TLL1: variants seen among roughly 807,000 people sequenced by gnomAD.
TLL1 encodes tolloid like 1, also known as tolloid-like protein 1.
A neutral mutation model predicts 128.2 loss-of-function variants in TLL1; 49 were observed. The observed-to-expected ratio is 0.38, with a 90% CI of 0.30 to 0.48. The LOEUF is 0.48. Among genes scored for constraint, TLL1 ranks in the 20% least tolerant of loss-of-function variants. TLL1 has a pLI of 0.96. For synonymous variants in TLL1, 454 were observed against 418.8 expected, an observed-to-expected ratio of 1.08 and a Z score of -1.03; for missense variants, 1,123 against 1,242.0, an observed-to-expected ratio of 0.90 and a Z score of 1.44.
intron 1 of TLL1, among the ~76,000 whole-genome samples, chr4:165,946,354 G>C (rs928333306): frequency 1.3e-5 from 2 of 148,472 alleles, no homozygotes; most frequent in African/African-American, 5.0e-5. Flanking sequence ...TTTTTTTTTT[G>C]AGACAGGATC....
chr4:165,983,906 G>A (rs371862928), intron 1 of TLL1, among the ~76,000 whole-genome samples: 36 of 151,942 alleles, frequency 2.4e-4, no homozygotes, highest in Admixed American at 5.3e-4. Flanking sequence ...TGCGAGGAAA[G>A]GATGAGTGAA....
chr4:166,011,363 T>C (rs1737689462), intron 7 of TLL1, among the ~76,000 whole-genome samples: 1 of 151,530 alleles, frequency 6.6e-6, no homozygotes, highest in Non-Finnish European at 1.5e-5. Context: ...TTCACTTCTT[T>C]GGTTAAGTTT....
chr4:166,077,091 C>A (rs2111139854), intron 17 of TLL1, among the ~76,000 whole-genome samples: 1 of 152,172 alleles, frequency 6.6e-6, no homozygotes, highest in Non-Finnish European at 1.5e-5. Context: ...AACAAATAAT[C>A]CCAGTCTAAA....
At chr4:165,990,681 TA>T (rs370808377) in intron 2 of TLL1, among the ~76,000 whole-genome samples, 107 of 152,008 alleles carry the variant, frequency 7.0e-4, no homozygotes, top group Middle Eastern at 3.4e-3. Flanking sequence ...TATTATTAGG[TA>T]GTCTAGCATG....
rs1742409341 is a variant in TLL1, at chr4:166,104,099, T to C, written c.*3223T>C. On this transcript the variant is annotated 3_prime_UTR_variant, in exon 21 of 21. Coordinates refer to ENST00000061240, the MANE Select transcript of TLL1 (RefSeq NM_012464.5). ...ATTCAAATTCTGTTTAACTTTGTTT[T>C]AAAATAGCTTGGTCTCTTTTATTTG... Among the ~76,000 whole-genome samples, 1 of 151,978 alleles carries C rather than the reference T, an allele frequency of 6.6e-6. No homozygotes were observed. Among genetic ancestry groups the C allele is most frequent in the Non-Finnish European group, 1.5e-5 (1 of 67,904 alleles).
chr4:165,923,122 G>A (rs1733108835), intron 1 of TLL1, among the ~76,000 whole-genome samples: 1 of 152,096 alleles, frequency 6.6e-6, no homozygotes. Context: ...ATGCCACCCA[G>A]GAACTTCTGC....
chr4:166,013,803 A>G (rs1437925379), intron 7 of TLL1, among the ~76,000 whole-genome samples: 1 of 151,848 alleles, frequency 6.6e-6, no homozygotes, highest in Non-Finnish European at 1.5e-5. Flanking sequence ...GTTTAACATT[A>G]TTATGCCATT....
intron 1 of TLL1, among the ~76,000 whole-genome samples, chr4:165,953,008 T>C (rs1734600270): frequency 6.6e-6 from 1 of 152,114 alleles, no homozygotes; most frequent in Non-Finnish European, 1.5e-5. Flanking sequence ...TTCAAACTTT[T>C]TTTGGCAGAT....
chr4:165,942,499 C>T (rs1386696961), intron 1 of TLL1, among the ~76,000 whole-genome samples: 1 of 151,874 alleles, frequency 6.6e-6, no homozygotes, highest in African/African-American at 2.4e-5. Flanking sequence ...AACCTCCTAT[C>T]TGTATTTGTA....
At chr4:166,037,303 A>G (rs1739049081) in intron 9 of TLL1, among the ~76,000 whole-genome samples, 1 of 152,212 alleles carries the variant, frequency 6.6e-6, no homozygotes, top group African/African-American at 2.4e-5. Flanking sequence ...ATATTGTGGG[A>G]AATTCATAAA....
intron 19 of TLL1, among the ~76,000 whole-genome samples, chr4:166,096,945 G>C (rs11938373): frequency 0.19 from 28,208 of 151,874 alleles, 2,770 homozygotes; most frequent in East Asian, 0.28. Context: ...TGAGTGGATC[G>C]TAGAGTACAG....
intron 18 of TLL1, among the ~76,000 whole-genome samples, chr4:166,090,133 T>C (rs1013632993): frequency 1.3e-5 from 2 of 152,076 alleles, no homozygotes; most frequent in African/African-American, 4.8e-5. Context: ...TTATAGCAAA[T>C]TAACAAAGTT....
At chr4:166,090,532 C>T (rs1332263227) in intron 18 of TLL1, among the ~76,000 whole-genome samples, 1 of 151,996 alleles carries the variant, frequency 6.6e-6, no homozygotes, top group Non-Finnish European at 1.5e-5. Context: ...GTACCATCTA[C>T]ATGAAAAGTA....
At chr4:165,886,424 T>TG (rs1021259873) in intron 1 of TLL1, among the ~76,000 whole-genome samples, 1 of 152,130 alleles carries the variant, frequency 6.6e-6, no homozygotes, top group Non-Finnish European at 1.5e-5. Context: ...GGAATATGCC[T>TG]GGGGGGTACA....
intron 1 of TLL1, among the ~76,000 whole-genome samples, chr4:165,889,434 G>A (rs915801149): frequency 1.3e-5 from 2 of 152,172 alleles, no homozygotes; most frequent in Non-Finnish European, 2.9e-5. Flanking sequence ...ACATTTCATT[G>A]TAAGGGTAAA....
intron 18 of TLL1, among the ~76,000 whole-genome samples, chr4:166,079,286 C>T (rs183010585): frequency 3.3e-5 from 5 of 152,198 alleles, no homozygotes; most frequent in South Asian, 4.2e-4. Flanking sequence ...AATTGATTTT[C>T]GTGGAGACAT....
At chr4:165,898,101 G>T (rs1445052108) in intron 1 of TLL1, among the ~76,000 whole-genome samples, 1 of 152,088 alleles carries the variant, frequency 6.6e-6, no homozygotes, top group African/African-American at 2.4e-5. Context: ...CTTTGCTGAA[G>T]TTGCTTATCA....
chr4:165,882,091 A>C (rs1730991897), intron 1 of TLL1, among the ~76,000 whole-genome samples: 1 of 152,164 alleles, frequency 6.6e-6, no homozygotes, highest in Non-Finnish European at 1.5e-5. Flanking sequence ...TGCTGTGTGA[A>C]GTTACTTAAA....
intron 15 of TLL1, among the ~76,000 whole-genome samples, chr4:166,061,684 A>G (rs1482137616): frequency 6.6e-6 from 1 of 151,942 alleles, no homozygotes. Flanking sequence ...AGTTTGAAAT[A>G]TGATGAACTT....
Sources: gnomAD v4.1 joint callset for allele counts (sites outside exome capture counted in the v4.1 genomes callset) on GRCh38, gnomAD v4.1.1 for gene constraint, MANE v1.5 for transcripts, NCBI Gene and HGNC (gene_info 2026-07-23, HGNC 2026-07-21) for gene names.